EPB41L3: variants seen among roughly 807,000 people sequenced by gnomAD.
EPB41L3 encodes band 4.1-like protein 3.
Under a neutral mutation model 127.1 loss-of-function variants are expected in EPB41L3, and 57 were observed. That is an observed-to-expected ratio of 0.45 (90% confidence interval 0.36 to 0.56). The LOEUF (loss-of-function observed/expected upper bound fraction) is 0.56. Ranked by LOEUF, EPB41L3 falls within the 20% of genes least tolerant of loss-of-function variation. The pLI is 0.00. For synonymous variants in EPB41L3, 572 were observed against 549.5 expected (o/e 1.04, Z -0.57); for missense variants, 1,273 against 1,372.2 (o/e 0.93, Z 1.14).
In EPB41L3 at chr18:5,527,433, G is replaced by A. The variant is rs988235126; in HGVS notation, c.-12+16480C>T. Among the ~76,000 whole-genome samples the A allele has an allele frequency of 2.0e-5, 3 of 151,760 alleles. No homozygotes were observed. In the East Asian group the frequency reaches 5.8e-4, roughly 29 times the overall value. On this transcript the variant is annotated intron_variant, in intron 1 of 22. Transcript: ENST00000341928. Reference sequence around the variant, plus strand: ...AGCTGCAATTTTCCCTCATAAATTCGTGGGATTTTTTCACATTATATTTTA... The same window carrying A: ...AGCTGCAATTTTCCCTCATAAATTCATGGGATTTTTTCACATTATATTTTA...
intron 3 of EPB41L3, among the ~76,000 whole-genome samples, chr18:5,554,633 G>A (rs1313507052): frequency 6.6e-6 from 1 of 152,130 alleles, no homozygotes; most frequent in Admixed American, 6.5e-5. Context: ...ACACCAGTAG[G>A]GCTCCTCTTC....
At chr18:5,409,402 C>T (rs1344370571) in intron 14 of EPB41L3, among the ~76,000 whole-genome samples, 2 of 152,154 alleles carry the variant, frequency 1.3e-5, no homozygotes, top group African/African-American at 4.8e-5. Flanking sequence ...GTAACTAACT[C>T]TTATAAAATC....
intron 1 of EPB41L3, among the ~76,000 whole-genome samples, chr18:5,540,940 C>T (rs2093701159): frequency 6.6e-6 from 1 of 152,006 alleles, no homozygotes; most frequent in Non-Finnish European, 1.5e-5. Flanking sequence ...AAAAAATTAG[C>T]CGGGCGTGGT....
intron 3 of EPB41L3, among the ~76,000 whole-genome samples, chr18:5,568,185 T>A (rs1005842504): frequency 1.3e-5 from 2 of 152,070 alleles, no homozygotes; most frequent in African/African-American, 4.8e-5. Context: ...TGTTTGGTCA[T>A]AAAAAGTATA....
intron 5 of EPB41L3, among the ~76,000 whole-genome samples, chr18:5,441,832 T>C (rs2080830466): frequency 6.6e-6 from 1 of 152,224 alleles, no homozygotes; most frequent in South Asian, 2.1e-4. Flanking sequence ...TCAGTTTTCT[T>C]TATGGCAAAG....
At chr18:5,496,344 A>C (rs1198007473) in intron 1 of EPB41L3, among the ~76,000 whole-genome samples, 1 of 152,270 alleles carries the variant, frequency 6.6e-6, no homozygotes, top group Non-Finnish European at 1.5e-5. Context: ...TGAAACACCA[A>C]GAATCTTTGG....
chr18:5,605,769 A>C (rs2094643974), intron 3 of EPB41L3, among the ~76,000 whole-genome samples: 1 of 152,148 alleles, frequency 6.6e-6, no homozygotes, highest in Non-Finnish European at 1.5e-5. Context: ...ATACAAGTAC[A>C]TTCATCACTC....
intron 1 of EPB41L3, among the ~76,000 whole-genome samples, chr18:5,519,008 G>A (rs973594211): frequency 2.6e-5 from 4 of 152,184 alleles, no homozygotes; most frequent in East Asian, 1.9e-4. Flanking sequence ...CGGCAAAGAC[G>A]TCATCTCAGA....
At chr18:5,501,309 G>GAATA in intron 1 of EPB41L3, among the ~76,000 whole-genome samples, 1 of 151,020 alleles carries the variant, frequency 6.6e-6, no homozygotes, top group East Asian at 1.9e-4. Flanking sequence ...ATGAATGAAT[G>GAATA]TATCAGCTTC....
At chr18:5,418,566 T>C (rs1187363456) in intron 12 of EPB41L3, among the ~76,000 whole-genome samples, 2 of 152,184 alleles carry the variant, frequency 1.3e-5, no homozygotes, top group African/African-American at 4.8e-5. Context: ...AGGAAGAGTG[T>C]AAAAACAAAA....
chr18:5,458,652 A>G (rs950337296), intron 3 of EPB41L3, among the ~76,000 whole-genome samples: 1 of 152,244 alleles, frequency 6.6e-6, no homozygotes, highest in Admixed American at 6.5e-5. Context: ...ATAGAAAAAA[A>G]CACATGAATA....
At chr18:5,484,295 A>G (rs2089306167) in intron 2 of EPB41L3, among the ~76,000 whole-genome samples, 1 of 151,464 alleles carries the variant, frequency 6.6e-6, no homozygotes, top group South Asian at 2.1e-4. Context: ...ATCAAAACAC[A>G]AGTGAAAATG....
intron 3 of EPB41L3, among the ~76,000 whole-genome samples, chr18:5,591,356 G>A (rs2094484339): frequency 6.6e-6 from 1 of 152,136 alleles, no homozygotes; most frequent in Middle Eastern, 3.4e-3. Flanking sequence ...ATCAGATTTG[G>A]TGTCTGGTGA....
rs563745107 is a variant in EPB41L3 at position 5,477,144 on chromosome 18, GC to G, written c.381+1096del. The stretch of plus-strand genomic sequence containing the variant: ...TTCTGTTCCAAGAAAAACACTGGGT[GC>G]ATGAGCACATTATAAAAACATAACA... On this transcript the variant is annotated intron_variant, in intron 3 of 22. Transcript: ENST00000341928. Among the ~76,000 whole-genome samples, 307 of 152,328 alleles carry G rather than the reference GC, an allele frequency of 2.0e-3. 3 individuals carry two copies. The highest frequency in any genetic ancestry group is 7.1e-3 in the African/African-American group (297 of 41,564).
At chr18:5,461,571 T>C (rs778824357) in intron 3 of EPB41L3, among the ~76,000 whole-genome samples, 1 of 152,234 alleles carries the variant, frequency 6.6e-6, no homozygotes, top group African/African-American at 2.4e-5. Flanking sequence ...AAGCATTTCA[T>C]GAATTAATAT....
At chr18:5,484,015 T>G (rs568322264) in intron 2 of EPB41L3, among the ~76,000 whole-genome samples, 1 of 140,372 alleles carries the variant, frequency 7.1e-6, no homozygotes, top group East Asian at 2.1e-4. Context: ...GAATACATTC[T>G]TTTCATCAGC....
At chr18:5,544,461 G>C (rs182349138), upstream of EPB41L3, among the ~76,000 whole-genome samples, 7 of 152,090 alleles carry the variant, frequency 4.6e-5, no homozygotes, top group Non-Finnish European at 8.8e-5. Context: ...GTGTCTTCAA[G>C]TCATGTTAAT....
At chr18:5,411,004 A>G (rs565098077) in intron 13 of EPB41L3, among the ~76,000 whole-genome samples, 35 of 152,346 alleles carry the variant, frequency 2.3e-4, no homozygotes, top group African/African-American at 8.4e-4. Flanking sequence ...GTTTATATAT[A>G]TTTTATTCTA....
At chr18:5,422,480 T>C (rs182910441) in intron 11 of EPB41L3, among the ~76,000 whole-genome samples, 2 of 152,206 alleles carry the variant, frequency 1.3e-5, no homozygotes, top group African/African-American at 4.8e-5. Context: ...TTTATTTATG[T>C]TTTTCCTTAT....
Sources: allele counts gnomAD v4.1 joint callset (sites outside exome capture counted in the v4.1 genomes callset), GRCh38; gene constraint gnomAD v4.1.1; transcripts MANE v1.5; gene names NCBI Gene and HGNC (gene_info 2026-07-23, HGNC 2026-07-21).